Variants in FARSB observed in about 807,000 individuals in gnomAD.
FARSB encodes phenylalanyl-tRNA synthetase subunit beta, also known as phenylalanine--tRNA ligase beta subunit.
A neutral mutation model predicts 69.6 loss-of-function variants in FARSB; 40 were observed. The observed-to-expected ratio is 0.57, with a 90% CI of 0.45 to 0.75. FARSB has a LOEUF of 0.75. Among genes scored for constraint, FARSB ranks in the 30% least tolerant of loss-of-function variants. The pLI is 0.00. For synonymous variants in FARSB, 235 were observed against 247.2 expected (o/e 0.95, Z 0.46); for missense variants, 632 against 722.9 (o/e 0.87, Z 1.44).
At chr2:222,640,043 C>T (rs561873386) in intron 4 of FARSB, among the ~76,000 whole-genome samples, 1 of 152,122 alleles carries the variant, frequency 6.6e-6, no homozygotes, top group Non-Finnish European at 1.5e-5. Flanking sequence ...GTGTTTTAAA[C>T]ATGCATTGGA....
chr2:222,651,568 A>G (rs1305724116), intron 1 of FARSB, among the ~76,000 whole-genome samples: 1 of 152,226 alleles, frequency 6.6e-6, no homozygotes, highest in African/African-American at 2.4e-5. Flanking sequence ...ATTAAAAATT[A>G]TAAAGAATGC....
At chr2:222,646,444 T>C (rs1691859999) in intron 2 of FARSB, among the ~76,000 whole-genome samples, 1 of 152,228 alleles carries the variant, frequency 6.6e-6, no homozygotes, top group Non-Finnish European at 1.5e-5. Context: ...TTACATCTAC[T>C]TGAAATCGCT....
At chr2:222,595,725 C>G (rs1690393273) in intron 16 of FARSB, among the ~76,000 whole-genome samples, 1 of 151,982 alleles carries the variant, frequency 6.6e-6, no homozygotes, top group South Asian at 2.1e-4. Flanking sequence ...CACACAAAGC[C>G]CATACATTCT....
At chr2:222,643,127 G>A in intron 2 of FARSB, 122 bp from the exon 3 acceptor site, 4 of 518,804 alleles carry the variant, frequency 7.7e-6, no homozygotes, top group South Asian at 3.7e-5. Flanking sequence ...CAAGAACATG[G>A]GATTATTATA....
At chr2:222,577,094 A>C (rs747199128) in intron 16 of FARSB, among the ~76,000 whole-genome samples, 11 of 152,154 alleles carry the variant, frequency 7.2e-5, no homozygotes, top group Non-Finnish European at 1.5e-4. Context: ...GGAAAGAAAA[A>C]GGTTTAGGAA....
chr2:222,599,801 A>G, intron 16 of FARSB, 127 bp downstream of exon 16: 2 of 727,342 alleles, frequency 2.7e-6, no homozygotes, highest in East Asian at 2.6e-5. Flanking sequence ...AATATTGACA[A>G]TTAATTGAAA....
At chr2:222,584,184 C>T (rs1049346099) in intron 16 of FARSB, among the ~76,000 whole-genome samples, 5 of 151,888 alleles carry the variant, frequency 3.3e-5, no homozygotes, top group South Asian at 4.2e-4. Flanking sequence ...AGGGGTAACA[C>T]GATATCAGAT....
At chr2:222,647,571 C>T (rs887774416) in intron 2 of FARSB, among the ~76,000 whole-genome samples, 6 of 152,194 alleles carry the variant, frequency 3.9e-5, no homozygotes, top group African/African-American at 1.4e-4. Context: ...TGCTGCTCTT[C>T]CCACTAAATG....
At chr2:222,619,152 A>G (rs984180298) in intron 14 of FARSB, among the ~76,000 whole-genome samples, 1 of 151,468 alleles carries the variant, frequency 6.6e-6, no homozygotes, top group Non-Finnish European at 1.5e-5. Context: ...AAAAAAAAAA[A>G]AAATTTAGCC....
intron 13 of FARSB, among the ~76,000 whole-genome samples, chr2:222,620,014 T>C (rs1260637322): frequency 6.6e-6 from 1 of 152,172 alleles, no homozygotes; most frequent in African/African-American, 2.4e-5. Context: ...GTCCTAGCCA[T>C]CATACAGAGC....
intron 16 of FARSB, among the ~76,000 whole-genome samples, chr2:222,576,062 A>C (rs538328201): frequency 6.6e-6 from 1 of 151,066 alleles, no homozygotes; most frequent in South Asian, 2.1e-4. Flanking sequence ...AATTTTAGGG[A>C]GCATCAGAAG....
At chr2:222,623,516 A>G in intron 13 of FARSB, 134 bp downstream of exon 13, 1 of 705,684 alleles carries the variant, frequency 1.4e-6, no homozygotes, top group South Asian at 1.6e-5. Context: ...ATCTCAAGTA[A>G]CAAAGTTATT....
At chr2:222,616,906 G>C (rs1550166) in intron 14 of FARSB, among the ~76,000 whole-genome samples, 4 of 151,930 alleles carry the variant, frequency 2.6e-5, no homozygotes, top group Non-Finnish European at 2.9e-5. Context: ...GGTAAAGCAA[G>C]GTAAAATATA....
chr2:222,621,798 C>T (rs1245587514), intron 13 of FARSB, among the ~76,000 whole-genome samples: 1 of 152,202 alleles, frequency 6.6e-6, no homozygotes, highest in African/African-American at 2.4e-5. Context: ...CTGGATTTAA[C>T]AACATAGACC....
intron 16 of FARSB, among the ~76,000 whole-genome samples, chr2:222,585,141 G>C (rs1351556791): frequency 2.6e-5 from 4 of 152,184 alleles, no homozygotes; most frequent in Non-Finnish European, 5.9e-5. Flanking sequence ...CTGAGACAAA[G>C]CTTCCAGAGG....
intron 13 of FARSB, among the ~76,000 whole-genome samples, chr2:222,620,065 C>T (rs1470890836): frequency 6.6e-6 from 1 of 152,114 alleles, no homozygotes; most frequent in African/African-American, 2.4e-5. Flanking sequence ...AAACTGTACT[C>T]GGGCCCTTCC....
At position 222,639,637 on chromosome 2, in the gene FARSB, TTAG is replaced by T. The variant is rs1306013243; in HGVS notation, c.395_397del (p.Thr132del). The T allele has an allele frequency of 1.3e-6, 2 of 1,596,374 alleles. No homozygotes were observed. Among genetic ancestry groups the T allele is most frequent in the Non-Finnish European group, 1.7e-6 (2 of 1,170,060 alleles). On this transcript the variant is annotated inframe_deletion, in exon 5 of 17. Transcript: ENST00000281828. ...TTCAATGAAGCTGTCATATCGATCT[TTAG>T]TAAACTTTATATTACGGAGAACTGC...
intron 11 of FARSB, 63 bp downstream of exon 11, chr2:222,624,651 C>CA (rs886409842): frequency 5.1e-3 from 5,229 of 1,019,240 alleles, no homozygotes; most frequent in Non-Finnish European, 6.3e-3. Context: ...TGAAGGATCG[C>CA]AAAAAAAAAA....
intron 10 of FARSB, among the ~76,000 whole-genome samples, chr2:222,625,840 C>G (rs1390892000): frequency 6.6e-6 from 1 of 152,144 alleles, no homozygotes. Context: ...AGTTCCAGGT[C>G]AGAATAGTAA....
Sources: allele counts gnomAD v4.1 joint callset (sites outside exome capture counted in the v4.1 genomes callset), GRCh38; gene constraint gnomAD v4.1.1; transcripts MANE v1.5; gene names NCBI Gene and HGNC (gene_info 2026-07-23, HGNC 2026-07-21).